Variants in FHIT observed in about 807,000 individuals in gnomAD.
FHIT encodes the protein bis(5'-adenosyl)-triphosphatase.
In FHIT, 19 loss-of-function variants were observed where a neutral mutation model predicts 17.9. The ratio of observed to expected loss-of-function variants is 1.06; its 90% CI spans 0.74 to 1.56. The LOEUF is 1.56. Among genes scored for constraint, FHIT ranks in the 40% most tolerant of loss-of-function variants. FHIT has a pLI of 0.00. For missense variants in FHIT, 248 were observed against 189.2 expected (o/e 1.31, Z -1.82); for synonymous variants, 81 against 69.7 (o/e 1.16, Z -0.81).
At chr3:60,336,060 G>A (rs1238308573) in intron 5 of FHIT, among the ~76,000 whole-genome samples, 1 of 152,170 alleles carries the variant, frequency 6.6e-6, no homozygotes, top group Non-Finnish European at 1.5e-5. Flanking sequence ...GCAAGAAGCT[G>A]TTTTTCCACA....
At chr3:60,919,820 G>T (rs868919537) in intron 3 of FHIT, among the ~76,000 whole-genome samples, 16 of 152,128 alleles carry the variant, frequency 1.1e-4, no homozygotes, top group African/African-American at 3.4e-4. Flanking sequence ...TAGATCACAA[G>T]GTCAGGAGAT....
chr3:59,812,090 T>C (rs1284623821), intron 8 of FHIT, among the ~76,000 whole-genome samples: 2 of 152,076 alleles, frequency 1.3e-5, no homozygotes, highest in Non-Finnish European at 2.9e-5. Context: ...GTTTTGATTG[T>C]CATAACTGGT....
At chr3:60,652,846 G>A (rs2040025363) in intron 4 of FHIT, among the ~76,000 whole-genome samples, 1 of 151,516 alleles carries the variant, frequency 6.6e-6, no homozygotes, top group African/African-American at 2.4e-5. Context: ...GGAGGCAGAG[G>A]TTGCAGTGAG....
chr3:60,758,807 G>A (rs1699537360), intron 4 of FHIT, among the ~76,000 whole-genome samples: 1 of 152,140 alleles, frequency 6.6e-6, no homozygotes, highest in South Asian at 2.1e-4. Context: ...TTCTGGGGGA[G>A]AATCAGAAAA....
intron 3 of FHIT, among the ~76,000 whole-genome samples, chr3:60,958,813 T>G (rs73100091): frequency 0.048 from 7,381 of 152,302 alleles, 228 homozygotes; most frequent in South Asian, 0.07. Context: ...TTTTGTCTTC[T>G]CCTTCCAGCT....
At chr3:60,746,920 G>C (rs561756161) in intron 4 of FHIT, among the ~76,000 whole-genome samples, 13 of 152,188 alleles carry the variant, frequency 8.5e-5, no homozygotes, top group Admixed American at 7.9e-4. Context: ...AATGCTCCAA[G>C]ACTGAACCAT....
At chr3:60,823,622 A>G (rs1222150223) in intron 3 of FHIT, among the ~76,000 whole-genome samples, 1 of 152,190 alleles carries the variant, frequency 6.6e-6, no homozygotes, top group Non-Finnish European at 1.5e-5. Context: ...TGCAGATTTT[A>G]GAGGGAGCAT....
At chr3:61,115,766 G>A (rs1487659419) in intron 2 of FHIT, among the ~76,000 whole-genome samples, 2 of 152,110 alleles carry the variant, frequency 1.3e-5, no homozygotes, top group East Asian at 1.9e-4. Flanking sequence ...GAAACACTCC[G>A]GCTGGCCATT....
chr3:60,204,715 A>C (rs778598782), intron 5 of FHIT, among the ~76,000 whole-genome samples: 2 of 152,180 alleles, frequency 1.3e-5, no homozygotes, highest in Non-Finnish European at 2.9e-5. Flanking sequence ...TAATGCACTA[A>C]TACAAATGAA....
At position 60,128,319 on chromosome 3, in the gene FHIT, C is replaced by A. The variant is rs1384804747; in HGVS notation, c.104-114167G>T. On this transcript the variant is annotated intron_variant, in intron 5 of 9. Coordinates refer to ENST00000492590, the MANE Select transcript of FHIT (RefSeq NM_002012.4). ...CTATTCTTGTGATAGTAAGTTCTCA[C>A]AAGACCTCATGTTTTAAGGGACTTG... 2.6e-5 allele frequency among the ~76,000 whole-genome samples: 4 copies of A among 152,248 alleles called. No individual in the cohort carries two copies. The East Asian group carries it at 5.8e-4, about 22-fold the overall frequency.
chr3:59,891,810 T>A (rs892509317), intron 8 of FHIT, among the ~76,000 whole-genome samples: 1 of 152,128 alleles, frequency 6.6e-6, no homozygotes, highest in Non-Finnish European at 1.5e-5. Flanking sequence ...TGAGGAGTGA[T>A]CCATTTAAAG....
At chr3:60,152,576 G>A (rs1457680654) in intron 5 of FHIT, among the ~76,000 whole-genome samples, 2 of 152,074 alleles carry the variant, frequency 1.3e-5, no homozygotes, top group Admixed American at 1.3e-4. Flanking sequence ...CCAGTCAAGG[G>A]GAGATTCAAG....
chr3:60,648,326 G>C (rs2039910542), intron 4 of FHIT, among the ~76,000 whole-genome samples: 2 of 152,214 alleles, frequency 1.3e-5, no homozygotes, highest in Non-Finnish European at 2.9e-5. Flanking sequence ...CCAATTACCT[G>C]TGTAAGGGAA....
intron 2 of FHIT, among the ~76,000 whole-genome samples, chr3:61,160,035 G>T (rs774718206): frequency 6.6e-6 from 1 of 152,092 alleles, no homozygotes; most frequent in Non-Finnish European, 1.5e-5. Flanking sequence ...CACAACTACT[G>T]CATATTTTCT....
intron 3 of FHIT, among the ~76,000 whole-genome samples, chr3:60,969,269 AC>A (rs2107525511): frequency 6.6e-6 from 1 of 152,240 alleles, no homozygotes; most frequent in East Asian, 1.9e-4. Context: ...AAGGAATTTA[AC>A]CATTTCATTT....
chr3:60,537,666 C>T (rs1008161165), intron 4 of FHIT, among the ~76,000 whole-genome samples: 23 of 152,076 alleles, frequency 1.5e-4, no homozygotes, highest in African/African-American at 4.3e-4. Flanking sequence ...CATGGGGGGC[C>T]GGGGGCAGGA....
At chr3:59,800,214 C>A (rs1435064539) in intron 8 of FHIT, among the ~76,000 whole-genome samples, 1 of 152,166 alleles carries the variant, frequency 6.6e-6, no homozygotes, top group East Asian at 1.9e-4. Context: ...ATGCCATGTC[C>A]TCTATTCAGA....
intron 5 of FHIT, among the ~76,000 whole-genome samples, chr3:60,533,278 G>A (rs934036504): frequency 6.6e-6 from 1 of 152,114 alleles, no homozygotes; most frequent in African/African-American, 2.4e-5. Flanking sequence ...GGAAAAGGTG[G>A]GATTTCGGCA....
chr3:59,878,051 TTTAGG>T, intron 8 of FHIT, among the ~76,000 whole-genome samples: 1 of 152,338 alleles, frequency 6.6e-6, no homozygotes, highest in Non-Finnish European at 1.5e-5. Flanking sequence ...GTAGTTATAT[TTTAGG>T]TTAATAGTTG....
Sources: allele counts gnomAD v4.1 joint callset (sites outside exome capture counted in the v4.1 genomes callset), GRCh38; gene constraint gnomAD v4.1.1; transcripts MANE v1.5; gene names NCBI Gene and HGNC (gene_info 2026-07-23, HGNC 2026-07-21).